SLIT2: variants seen among roughly 807,000 people sequenced by gnomAD.
SLIT2 encodes the protein slit guidance ligand 2.
Under a neutral mutation model 185.7 loss-of-function variants are expected in SLIT2, and 41 were observed. The ratio of observed to expected loss-of-function variants is 0.22; its 90% CI spans 0.17 to 0.29. The LOEUF (loss-of-function observed/expected upper bound fraction) is 0.29. Among genes scored for constraint, SLIT2 ranks in the 10% least tolerant of loss-of-function variants. SLIT2 has a pLI of 1.00. For synonymous variants in SLIT2, 693 were observed against 680.2 expected (o/e 1.02, Z -0.29); for missense variants, 1,571 against 1,909.0 (o/e 0.82, Z 3.30).
chr4:20,525,892 T>C (rs1721241579), intron 15 of SLIT2, among the ~76,000 whole-genome samples: 1 of 152,116 alleles, frequency 6.6e-6, no homozygotes. Context: ...AGAAAAGTAA[T>C]CGCAATGTTT....
At chr4:20,406,580 A>G (rs1726793467) in intron 4 of SLIT2, among the ~76,000 whole-genome samples, 1 of 144,340 alleles carries the variant, frequency 6.9e-6, no homozygotes, top group African/African-American at 2.4e-5. Flanking sequence ...TCAGGAAAAT[A>G]ATTAAAACCA....
chr4:20,395,402 C>T (rs1314717372), intron 4 of SLIT2, among the ~76,000 whole-genome samples: 1 of 151,888 alleles, frequency 6.6e-6, no homozygotes, highest in Non-Finnish European at 1.5e-5. Flanking sequence ...AATGCATAGG[C>T]AGGAACCTGA....
intron 18 of SLIT2, among the ~76,000 whole-genome samples, chr4:20,536,900 C>T (rs2148870223): frequency 6.6e-6 from 1 of 152,200 alleles, no homozygotes; most frequent in East Asian, 1.9e-4. Flanking sequence ...GAAACAAACA[C>T]ATACATTAGC....
intron 11 of SLIT2, among the ~76,000 whole-genome samples, chr4:20,517,622 A>G (rs1209145057): frequency 1.3e-5 from 2 of 152,156 alleles, no homozygotes; most frequent in Non-Finnish European, 2.9e-5. Context: ...ACAAAATTTC[A>G]TGTTCTATTT....
intron 4 of SLIT2, among the ~76,000 whole-genome samples, chr4:20,433,014 G>A (rs921139982): frequency 4.6e-5 from 7 of 152,032 alleles, no homozygotes. Context: ...AAAAGCTAGT[G>A]CTGTCAACTG....
chr4:20,532,616 G>A (rs1721908752), intron 17 of SLIT2, among the ~76,000 whole-genome samples: 1 of 152,124 alleles, frequency 6.6e-6, no homozygotes, highest in African/African-American at 2.4e-5. Context: ...CAGGACATAG[G>A]TCAATAGCAT....
At chr4:20,288,234 CAG>C (rs1250126189) in intron 4 of SLIT2, among the ~76,000 whole-genome samples, 1 of 152,158 alleles carries the variant, frequency 6.6e-6, no homozygotes, top group Non-Finnish European at 1.5e-5. Context: ...TGTGGGCAAA[CAG>C]GGTGGGATTC....
chr4:20,355,940 A>G (rs973219957), intron 4 of SLIT2, among the ~76,000 whole-genome samples: 2 of 152,156 alleles, frequency 1.3e-5, no homozygotes, highest in Admixed American at 6.5e-5. Context: ...CATACATTTG[A>G]CTGATAGGAT....
chr4:20,493,815 T>A (rs1054894469), intron 9 of SLIT2, among the ~76,000 whole-genome samples: 2 of 152,328 alleles, frequency 1.3e-5, no homozygotes, highest in Middle Eastern at 3.4e-3. Flanking sequence ...GAAGTCTTTG[T>A]GTAGAAATAA....
At chr4:20,359,211 T>C (rs1378173742) in intron 4 of SLIT2, among the ~76,000 whole-genome samples, 3 of 152,072 alleles carry the variant, frequency 2.0e-5, no homozygotes, top group African/African-American at 7.2e-5. Context: ...GAGGCGACTT[T>C]TGAATGGGGT....
intron 4 of SLIT2, among the ~76,000 whole-genome samples, chr4:20,286,599 G>A (rs1388495575): frequency 1.3e-5 from 2 of 152,068 alleles, no homozygotes; most frequent in Admixed American, 6.5e-5. Flanking sequence ...TCAGGAGTTC[G>A]AGACCAGCCT....
chr4:20,582,049 A>G lies in SLIT2; in HGVS notation c.3089-7595A>G, dbSNP rs576882049. 6.6e-5 allele frequency among the ~76,000 whole-genome samples: 10 copies of G among 152,250 alleles called. No individual in the cohort carries two copies. In the South Asian group the frequency reaches 2.1e-3, roughly 32 times the overall value. On this transcript the variant is annotated intron_variant, in intron 29 of 36. Transcript: ENST00000504154. ...GGCGTGAGCCACTGTGCCCAGCCAG[A>G]GTGCTCTTTTCAAAGTGCAGATGTC... is the stretch of plus-strand genomic sequence containing the variant.
chr4:20,378,212 C>G (rs1329502274), intron 4 of SLIT2, among the ~76,000 whole-genome samples: 1 of 152,024 alleles, frequency 6.6e-6, no homozygotes, highest in East Asian at 1.9e-4. Context: ...ATCAGTTTTA[C>G]AAAAGGTGAC....
Position 20,284,438 on chromosome 4 carries a change from T to C in SLIT2, c.395+15557T>C, listed in dbSNP as rs539398762. Reference sequence around the variant, plus strand: ...CCTCTCCCTTCACCACAGAGCAGTATTCACATGCACTGAGTGCTCAAATAT... The same window carrying C: ...CCTCTCCCTTCACCACAGAGCAGTACTCACATGCACTGAGTGCTCAAATAT... On this transcript the variant is annotated intron_variant, in intron 4 of 36. Coordinates refer to ENST00000504154, the MANE Select transcript of SLIT2 (RefSeq NM_004787.4). Among the ~76,000 whole-genome samples the C allele has an allele frequency of 2.0e-5, 3 of 152,354 alleles. No homozygotes were observed. In the South Asian group the frequency reaches 6.2e-4, roughly 32 times the overall value.
At chr4:20,494,551 C>T (rs965878317) in intron 9 of SLIT2, among the ~76,000 whole-genome samples, 9 of 152,052 alleles carry the variant, frequency 5.9e-5, no homozygotes, top group African/African-American at 2.2e-4. Flanking sequence ...CCGAGGCAGG[C>T]AGATCATGAG....
rs374385737 is a variant in SLIT2, at chr4:20,494,671, C to T, written c.914+2772C>T. Among the ~76,000 whole-genome samples, 33 of 151,392 alleles carry T rather than the reference C, an allele frequency of 2.2e-4. No homozygotes were observed. The South Asian group carries it at 5.6e-3, about 26-fold the overall frequency. ...GTGGATGCCTGTAGTCTCATCTACT[C>T]GGGAGGCTGAGGCAGGAGAATGGCA... On this transcript the variant is annotated intron_variant, in intron 9 of 36. Transcript: ENST00000504154.
chr4:20,355,585 C>A (rs531412237), intron 4 of SLIT2, among the ~76,000 whole-genome samples: 124 of 152,202 alleles, frequency 8.1e-4, no homozygotes, highest in Non-Finnish European at 1.4e-3. Flanking sequence ...CTTTTCCTAG[C>A]AAATGCAGGT....
At chr4:20,551,266 A>G (rs1577910284) in intron 25 of SLIT2, among the ~76,000 whole-genome samples, 1 of 152,154 alleles carries the variant, frequency 6.6e-6, no homozygotes, top group African/African-American at 2.4e-5. Flanking sequence ...CTCAAGTATC[A>G]CCTTCTCTAT....
intron 4 of SLIT2, among the ~76,000 whole-genome samples, chr4:20,283,521 G>T (rs1714993408): frequency 1.3e-5 from 2 of 152,086 alleles, no homozygotes; most frequent in East Asian, 3.9e-4. Flanking sequence ...TGGAAGAAAT[G>T]ATTATAAATC....
Sources: gnomAD v4.1 joint callset for allele counts (sites outside exome capture counted in the v4.1 genomes callset) on GRCh38, gnomAD v4.1.1 for gene constraint, MANE v1.5 for transcripts, NCBI Gene and HGNC (gene_info 2026-07-23, HGNC 2026-07-21) for gene names.